BFSP1: variants seen among roughly 807,000 people sequenced by gnomAD.
The protein encoded by BFSP1 is filensin.
BFSP1 carries 38 observed loss-of-function variants against 43.9 expected under a neutral mutation model. That is an observed-to-expected ratio of 0.87 (90% CI 0.67 to 1.14). The LOEUF is 1.14. BFSP1 is among the 50% of genes most tolerant of loss of function. BFSP1 has a pLI of 0.00. For synonymous variants in BFSP1, 352 were observed against 354.8 expected, an observed-to-expected ratio of 0.99 and a Z score of 0.09; for missense variants, 850 against 875.1, an observed-to-expected ratio of 0.97 and a Z score of 0.36.
chr20:17,550,870 G>A (rs1220239661), intron 1 of BFSP1, among the ~76,000 whole-genome samples: 1 of 152,168 alleles, frequency 6.6e-6, no homozygotes, highest in African/African-American at 2.4e-5. Context: ...TTGTTAAGCT[G>A]TTTCCTCAGC....
chr20:17,522,475 A>T (rs1429994236), intron 2 of BFSP1, among the ~76,000 whole-genome samples: 1 of 151,786 alleles, frequency 6.6e-6, no homozygotes, highest in Non-Finnish European at 1.5e-5. Flanking sequence ...CATCTTATTC[A>T]CTCTGTATTT....
chr20:17,552,130 T>G (rs985304781), intron 1 of BFSP1, among the ~76,000 whole-genome samples: 5 of 151,346 alleles, frequency 3.3e-5, no homozygotes, highest in African/African-American at 1.2e-4. Flanking sequence ...CAGAGAAAAA[T>G]AAAGAAAAGG....
chr20:17,531,023 C>T lies in BFSP1; in HGVS notation c.307G>A (p.Glu103Lys). 1 of 1,429,156 alleles carries T rather than the reference C, an allele frequency of 7.0e-7. No homozygotes were observed. The highest frequency in any genetic ancestry group is 2.3e-4 in the Middle Eastern group (1 of 4,264). 88.5% of individuals were successfully genotyped at this position (1,429,156 alleles called of 1,614,324 possible). ...ESNRQRVRDL[E>K]AERARLERQG... ...CGCTCCAGCCGGGCGCGCTCGGCCT[C>T]CAGGTCCCGGACGCGCTGGCGGTTG... Residue 103 changes from glutamate (E) to lysine (K), a missense_variant, in exon 1 of 8, where the codon GAG (glutamate) becomes AAG (lysine). Glu to Lys is a moderately conservative substitution (Grantham distance 56). Coordinates refer to ENST00000377873, the MANE Select transcript of BFSP1 (RefSeq NM_001195.5).
At chr20:17,534,884 G>T (rs928156689), upstream of BFSP1, among the ~76,000 whole-genome samples, 2 of 151,982 alleles carry the variant, frequency 1.3e-5, no homozygotes, top group South Asian at 4.2e-4. Flanking sequence ...GCCGGACGTC[G>T]TGGCTTGTGC....
At chr20:17,515,215 T>C (rs1310891331) in intron 2 of BFSP1, among the ~76,000 whole-genome samples, 1 of 152,078 alleles carries the variant, frequency 6.6e-6, no homozygotes, top group African/African-American at 2.4e-5. Context: ...GCCTAAAGGG[T>C]CAATACAGCC....
chr20:17,560,988 T>A (rs765695441), upstream of BFSP1, among the ~76,000 whole-genome samples: 5 of 152,242 alleles, frequency 3.3e-5, no homozygotes, highest in Non-Finnish European at 2.9e-5. Context: ...TGTTTTTACA[T>A]GTTAAGGTTT....
upstream of BFSP1, among the ~76,000 whole-genome samples, chr20:17,536,136 CAAACTT>C (rs1399734707): frequency 1.3e-5 from 2 of 152,064 alleles, no homozygotes; most frequent in Non-Finnish European, 2.9e-5. Flanking sequence ...ATGCTTATAA[CAAACTT>C]GAAGGGGAAA....
rs1252003512 is a variant in BFSP1 at position 17,507,679 on chromosome 20, C to G, written c.735+1210G>C. Among the ~76,000 whole-genome samples the G allele has an allele frequency of 5.3e-5, 8 of 152,082 alleles. No homozygotes were observed. ...CCCCATGTACACAAACACATACAACCCTTATTCTATCCTGTCAGAGCCTCA... is the reference window on the plus strand; with the variant it reads ...CCCCATGTACACAAACACATACAACGCTTATTCTATCCTGTCAGAGCCTCA... On this transcript the variant is annotated intron_variant, in intron 5 of 7. Coordinates refer to ENST00000377873, the MANE Select transcript of BFSP1 (RefSeq NM_001195.5). The surrounding 1 kb of genome is among the most constrained non-coding windows in gnomAD (Gnocchi z 4.4).
intron 2 of BFSP1, among the ~76,000 whole-genome samples, chr20:17,521,776 G>A (rs1481991048): frequency 1.3e-5 from 2 of 152,164 alleles, no homozygotes; most frequent in Non-Finnish European, 2.9e-5. Context: ...GGAGGCTAGT[G>A]AGCCAGAGAA....
intron 1 of BFSP1, among the ~76,000 whole-genome samples, chr20:17,527,210 A>C (rs1321928918): frequency 6.6e-6 from 1 of 152,262 alleles, no homozygotes; most frequent in Non-Finnish European, 1.5e-5. Flanking sequence ...TGTTACATTT[A>C]GTAGTTTATT....
intron 2 of BFSP1, among the ~76,000 whole-genome samples, chr20:17,519,613 T>C (rs1438564319): frequency 6.6e-6 from 1 of 152,226 alleles, no homozygotes; most frequent in Non-Finnish European, 1.5e-5. Context: ...GAGGTGCCTG[T>C]CATTCTTCCC....
At chr20:17,550,041 C>A (rs1026363281) in intron 1 of BFSP1, among the ~76,000 whole-genome samples, 7 of 152,112 alleles carry the variant, frequency 4.6e-5, no homozygotes, top group African/African-American at 1.7e-4. Flanking sequence ...TAGTTCTCAA[C>A]CTTTCCAGGC....
intron 5 of BFSP1, among the ~76,000 whole-genome samples, chr20:17,504,044 G>A (rs1237531178): frequency 1.3e-5 from 2 of 152,152 alleles, no homozygotes; most frequent in Non-Finnish European, 2.9e-5. Flanking sequence ...AGGGGGTGGA[G>A]GGATGGGGTG....
chr20:17,568,749 A>C (rs918181163), intron 1 of BFSP1, among the ~76,000 whole-genome samples: 6 of 152,152 alleles, frequency 3.9e-5, no homozygotes, highest in African/African-American at 1.2e-4. Flanking sequence ...ATGGGTTCCT[A>C]TGTTGAGTGG....
rs778665498 is a variant in BFSP1 at position 17,525,640 on chromosome 20, C to T, written c.378-732G>A. On this transcript the variant is annotated intron_variant, in intron 1 of 7. Transcript: ENST00000377873. The surrounding 1 kb of genome is among the most constrained non-coding windows in gnomAD (Gnocchi z 4.2). ...CTGCTCGGCTGGGACAACTGAGGCA[C>T]GTCCCTCTGGGGGAATTTTAACCCT... Among the ~76,000 whole-genome samples the T allele has an allele frequency of 1.3e-5, 2 of 152,274 alleles. No homozygotes were observed. The highest frequency in any genetic ancestry group is 1.9e-4 in the East Asian group (1 of 5,164).
At chr20:17,553,220 G>T (rs974354602) in intron 1 of BFSP1, among the ~76,000 whole-genome samples, 16 of 152,136 alleles carry the variant, frequency 1.1e-4, no homozygotes, top group African/African-American at 3.9e-4. Context: ...TGTATGAGAT[G>T]AGGACTAAGA....
intron 5 of BFSP1, among the ~76,000 whole-genome samples, chr20:17,502,243 G>A (rs1421135562): frequency 6.6e-6 from 1 of 151,946 alleles, no homozygotes; most frequent in East Asian, 1.9e-4. Context: ...CAAGTGATCA[G>A]AGTTATTGTC....
At chr20:17,550,843 G>A (rs1350536765) in intron 1 of BFSP1, among the ~76,000 whole-genome samples, 1 of 152,230 alleles carries the variant, frequency 6.6e-6, no homozygotes, top group Non-Finnish European at 1.5e-5. Context: ...TTCTGTCATA[G>A]TTTATCCTTG....
chr20:17,540,523 C>T (rs2034698453), intron 1 of BFSP1, among the ~76,000 whole-genome samples: 1 of 152,130 alleles, frequency 6.6e-6, no homozygotes, highest in South Asian at 2.1e-4. Flanking sequence ...CCGCTGTTTA[C>T]CTGGCAGACC....
Sources: allele counts gnomAD v4.1 joint callset (sites outside exome capture counted in the v4.1 genomes callset), GRCh38; gene constraint gnomAD v4.1.1; non-coding constraint Gnocchi (gnomAD v3.1); transcripts MANE v1.5; gene names NCBI Gene and HGNC (gene_info 2026-07-23, HGNC 2026-07-21).